Variants in RAB11FIP4 observed in about 807,000 individuals in gnomAD.
The protein encoded by RAB11FIP4 is rab11 family-interacting protein 4.
Under a neutral mutation model 74.3 loss-of-function variants are expected in RAB11FIP4, and 23 were observed. That is an observed-to-expected ratio of 0.31 (90% CI 0.22 to 0.44). The LOEUF is 0.44. RAB11FIP4 is among the 20% of genes least tolerant of loss of function. The pLI, the probability that RAB11FIP4 is intolerant of heterozygous loss-of-function variation, is 1.00. For synonymous variants in RAB11FIP4, 360 were observed against 359.9 expected, an observed-to-expected ratio of 1.00 and a Z score of 0.00; for missense variants, 630 against 863.9, an observed-to-expected ratio of 0.73 and a Z score of 3.39.
chr17:31,402,189 GCATCCATCCATCCATC>G (rs373691832), intron 1 of RAB11FIP4, among the ~76,000 whole-genome samples: 2 of 103,292 alleles, frequency 1.9e-5, no homozygotes, highest in Non-Finnish European at 3.5e-5. Context: ...ATCTGTCCAT[GCATCCATCCATCCATC>G]CATCCATCCA....
rs147850660 is a variant in RAB11FIP4 at position 31,418,383 on chromosome 17, C to T, written c.160-13430C>T. On this transcript the variant is annotated intron_variant, in intron 1 of 14. Coordinates refer to ENST00000621161, the MANE Select transcript of RAB11FIP4 (RefSeq NM_032932.6). Reference sequence around the variant, plus strand: ...AGCCTGGGAGACAAGAGTGAGACTTCGTCTCAAAAAAATAAAATAAAATAA... The same window carrying T: ...AGCCTGGGAGACAAGAGTGAGACTTTGTCTCAAAAAAATAAAATAAAATAA... Among the ~76,000 whole-genome samples the T allele has an allele frequency of 4.7e-3, 719 of 151,390 alleles. 6 individuals are homozygous for T. Among genetic ancestry groups the T allele is most frequent in the Middle Eastern group, 0.017 (5 of 292 alleles).
chr17:31,526,481 G>C lies in RAB11FIP4; in HGVS notation c.1274+1251G>C, dbSNP rs565213446. On this transcript the variant is annotated intron_variant, in intron 10 of 14. Transcript: ENST00000621161. ...TGGTGGGGCTGAATTCCTCTCTGGA[G>C]CCCAGAGGGCAGTGGAGGCCCAGAA... The C allele has an allele frequency of 2.0e-5, 3 of 152,254 alleles. No homozygotes were observed. In the East Asian group the frequency reaches 5.8e-4, roughly 29 times the overall value. 9.4% of individuals were successfully genotyped at this position (152,254 alleles called of 1,614,324 possible).
At chr17:31,444,773 C>T (rs532631146) in intron 3 of RAB11FIP4, among the ~76,000 whole-genome samples, 2 of 152,300 alleles carry the variant, frequency 1.3e-5, no homozygotes, top group South Asian at 4.1e-4. Flanking sequence ...TTTTATGAAC[C>T]TGTAGGACAT....
chr17:31,499,537 A>T lies in RAB11FIP4; in HGVS notation c.337-18114A>T, dbSNP rs142027905. ...TGTCCAGCTAATTTTTGTATTTTTTAGTAGAGATGGGGTTTCACCATGTTG... is the reference window on the plus strand; with the variant it reads ...TGTCCAGCTAATTTTTGTATTTTTTTGTAGAGATGGGGTTTCACCATGTTG... On this transcript the variant is annotated intron_variant, in intron 3 of 14. Transcript: ENST00000621161. Among the ~76,000 whole-genome samples the T allele has an allele frequency of 8.3e-4, 126 of 152,082 alleles. 2 individuals carry two copies. Among genetic ancestry groups the T allele is most frequent in the African/African-American group, 2.9e-3 (120 of 41,478 alleles).
intron 3 of RAB11FIP4, among the ~76,000 whole-genome samples, chr17:31,479,787 C>T (rs76238552): frequency 0.019 from 2,875 of 152,266 alleles, 40 homozygotes; most frequent in South Asian, 0.05. Flanking sequence ...TCCCAACCAC[C>T]TCCCTTTTCT....
chr17:31,434,089 G>A lies in RAB11FIP4; in HGVS notation c.303G>A (p.Pro101=), dbSNP rs774612260. 33 of 1,585,514 alleles carry A rather than the reference G, an allele frequency of 2.1e-5. No homozygotes were observed. The highest frequency in any genetic ancestry group is 2.8e-5 in the Non-Finnish European group (33 of 1,173,728). Residue 101 remains proline, a synonymous_variant, in exon 3 of 15, where the codon CCG becomes CCA. Coordinates refer to ENST00000621161, the MANE Select transcript of RAB11FIP4 (RefSeq NM_032932.6). The part of the protein sequence containing the change: ...VLSVESAGTL[P]CAPEIPDCVE... ...CGGTGGAGAGCGCGGGGACGCTGCC[G>A]TGCGCGCCAGAGATCCCAGACTGCG...
chr17:31,423,134 T>C (rs557064958), intron 1 of RAB11FIP4, among the ~76,000 whole-genome samples: 1 of 152,238 alleles, frequency 6.6e-6, no homozygotes, highest in South Asian at 2.1e-4. Flanking sequence ...TTAGCCAGGA[T>C]GGTCTCTATC....
intron 3 of RAB11FIP4, among the ~76,000 whole-genome samples, chr17:31,517,203 C>CGGGGGGGGGGGGGGGGGGG (rs2072572338): frequency 1.2e-4 from 1 of 8,236 alleles, no homozygotes; most frequent in African/African-American, 6.3e-4. Context: ...GGGGGGGGGG[C>CGGGGGGGGGGGGGGGGGGG]GGTGGGGGGG....
chr17:31,484,625 C>T (rs1250985550), intron 3 of RAB11FIP4, among the ~76,000 whole-genome samples: 1 of 152,026 alleles, frequency 6.6e-6, no homozygotes, highest in Non-Finnish European at 1.5e-5. Flanking sequence ...ACCATCCCCA[C>T]CCCACCCCCC....
At position 31,528,830 on chromosome 17, in the gene RAB11FIP4, C is replaced by T. The variant is rs547259700; in HGVS notation, c.1653+52C>T. ...TGGGGCAGGGTGGCCGGGCCCACCA[C>T]GTGGGTTTCCTGTGCAGGATCTGTG... On this transcript the variant is annotated intron_variant, in intron 13 of 14. Coordinates refer to ENST00000621161, the MANE Select transcript of RAB11FIP4 (RefSeq NM_032932.6). 15 of 1,559,722 alleles carry T rather than the reference C, an allele frequency of 9.6e-6. No individual in the cohort carries two copies. The Admixed American group carries it at 1.6e-4, about 16-fold the overall frequency.
At chr17:31,527,762 A>T in intron 10 of RAB11FIP4, 80 bp from the exon 11 acceptor site, 1 of 978,254 alleles carries the variant, frequency 1.0e-6, no homozygotes, top group Admixed American at 2.5e-5. Context: ...GAGGAAGCAG[A>T]GAATCACTGC....
chr17:31,450,505 C>A (rs1385364120), intron 3 of RAB11FIP4, among the ~76,000 whole-genome samples: 1 of 151,880 alleles, frequency 6.6e-6, no homozygotes, highest in Admixed American at 6.6e-5. Context: ...CCATCACACC[C>A]GGCTAATTTG....
chr17:31,408,342 T>G (rs1567645646), intron 1 of RAB11FIP4, among the ~76,000 whole-genome samples: 1 of 152,234 alleles, frequency 6.6e-6, no homozygotes, highest in Non-Finnish European at 1.5e-5. Flanking sequence ...CATCTTTACA[T>G]ACTATATTTA....
At chr17:31,525,036 G>A (rs550584568) in intron 9 of RAB11FIP4, 54 bp from the exon 10 acceptor site, 2 of 1,548,928 alleles carry the variant, frequency 1.3e-6, no homozygotes, top group African/African-American at 2.7e-5. Context: ...CCACAGCCTG[G>A]GTTGGGGTGA....
At chr17:31,410,550 C>G (rs1336172812) in intron 1 of RAB11FIP4, among the ~76,000 whole-genome samples, 1 of 151,884 alleles carries the variant, frequency 6.6e-6, no homozygotes. Flanking sequence ...CCTGTCTCTA[C>G]TAAAAATACA....
At chr17:31,491,084 C>T (rs1238107017) in intron 3 of RAB11FIP4, among the ~76,000 whole-genome samples, 2 of 152,212 alleles carry the variant, frequency 1.3e-5, no homozygotes, top group African/African-American at 4.8e-5. Context: ...TTGGGTGGTC[C>T]CATCCATACC....
chr17:31,488,597 C>G (rs2071947546), intron 3 of RAB11FIP4, among the ~76,000 whole-genome samples: 1 of 152,232 alleles, frequency 6.6e-6, no homozygotes, highest in Non-Finnish European at 1.5e-5. Context: ...GGCGTGGTAC[C>G]CAGCGCCGTA....
chr17:31,399,009 G>A (rs2070958722), intron 1 of RAB11FIP4, among the ~76,000 whole-genome samples: 1 of 152,226 alleles, frequency 6.6e-6, no homozygotes, highest in African/African-American at 2.4e-5. Flanking sequence ...TGGTGCCCCG[G>A]CCTGGGCAAC....
intron 1 of RAB11FIP4, among the ~76,000 whole-genome samples, chr17:31,396,074 G>A (rs1597893730): frequency 6.6e-6 from 1 of 151,760 alleles, no homozygotes; most frequent in Admixed American, 6.6e-5. Flanking sequence ...ATCCCAGCTA[G>A]TTGGGAGACT....
Sources: allele counts gnomAD v4.1 joint callset (sites outside exome capture counted in the v4.1 genomes callset), GRCh38; gene constraint gnomAD v4.1.1; transcripts MANE v1.5; gene names NCBI Gene and HGNC (gene_info 2026-07-23, HGNC 2026-07-21).